The following DPYSL2 variants were observed in gnomAD, a reference collection of about 807,000 sequenced individuals.
The protein encoded by DPYSL2 is dihydropyrimidinase-related protein 2.
In DPYSL2, 13 loss-of-function variants were observed where a neutral mutation model predicts 69.9. The observed-to-expected ratio is 0.19, with a 90% CI of 0.12 to 0.30. DPYSL2 has a LOEUF of 0.30. Among genes scored for constraint, DPYSL2 ranks in the 10% least tolerant of loss-of-function variants. The pLI is 1.00. For synonymous variants in DPYSL2, 326 were observed against 359.1 expected, an observed-to-expected ratio of 0.91 and a Z score of 1.04; for missense variants, 587 against 918.9, an observed-to-expected ratio of 0.64 and a Z score of 4.67.
chr8:26,525,268 G>A (rs1808457449), intron 1 of DPYSL2, among the ~76,000 whole-genome samples: 1 of 152,182 alleles, frequency 6.6e-6, no homozygotes, highest in African/African-American at 2.4e-5. Context: ...CACCCAGGCT[G>A]GAGTGCGGTG....
At position 26,647,559 on chromosome 8, in the gene DPYSL2, T is replaced by G; in HGVS notation, c.1426-71T>G. ...AGCTGTCGTGTGTATCAATAGTTTG[T>G]TATTGAAAAGTAACTTTTTAACTCG... On this transcript the variant is annotated intron_variant, in intron 10 of 13. Transcript: ENST00000521913. This position sits in a 1 kb window ranked among gnomAD's most constrained non-coding sequence, Gnocchi z 5.1. The G allele has an allele frequency of 6.8e-7, 1 of 1,475,020 alleles. No individual in the cohort carries two copies. The highest frequency in any genetic ancestry group is 1.3e-5 in the South Asian group (1 of 75,532). The allele number at this position is 1,475,020 out of a possible 1,614,324, so 91.4% of individuals were successfully genotyped here.
At chr8:26,552,560 G>T (rs539670392) in intron 1 of DPYSL2, among the ~76,000 whole-genome samples, 4 of 152,176 alleles carry the variant, frequency 2.6e-5, no homozygotes, top group Non-Finnish European at 5.9e-5. Context: ...TTTCCTACAG[G>T]TCTGGAGGCT....
At position 26,516,777 on chromosome 8, in the gene DPYSL2, G is replaced by A. The variant is rs1417662882; in HGVS notation, c.354+2098G>A. On this transcript the variant is annotated intron_variant, in intron 1 of 13. Transcript: ENST00000521913. This position sits in a 1 kb window ranked among gnomAD's most constrained non-coding sequence, Gnocchi z 4.8. Reference sequence around the variant, plus strand: ...GCAGCACCTTCCCCTGAATTTTCATGTTTAATCTTGCCTTATCATATAAGG... The same window carrying A: ...GCAGCACCTTCCCCTGAATTTTCATATTTAATCTTGCCTTATCATATAAGG... 6.6e-6 allele frequency among the ~76,000 whole-genome samples: 1 copy of A among 152,090 alleles called. No homozygotes were observed. The highest frequency in any genetic ancestry group is 2.4e-5 in the African/African-American group (1 of 41,410).
chr8:26,636,638 T>A (rs1802922768), intron 8 of DPYSL2, among the ~76,000 whole-genome samples: 1 of 152,152 alleles, frequency 6.6e-6, no homozygotes, highest in Non-Finnish European at 1.5e-5. Flanking sequence ...TCAGGGTTCT[T>A]CTCAGGTGGA....
rs1801463306 is a variant in DPYSL2, at chr8:26,580,312, T to TC, written c.355-1657_355-1656insC. Reference sequence around the variant, plus strand: ...ATTTGAGTGACCTGGGCAAGTGGCCTAACCTCTCTGAGCCTCAGTTTCCTT... The same window carrying TC: ...ATTTGAGTGACCTGGGCAAGTGGCCTCAACCTCTCTGAGCCTCAGTTTCCTT... On this transcript the variant is annotated intron_variant, in intron 1 of 13. Transcript: ENST00000521913. The surrounding 1 kb of genome is among the most constrained non-coding windows in gnomAD (Gnocchi z 4.1). Among the ~76,000 whole-genome samples, 4 of 152,318 alleles carry TC rather than the reference T, an allele frequency of 2.6e-5. No individual in the cohort carries two copies. In the South Asian group the frequency reaches 8.3e-4, roughly 32 times the overall value.
intron 10 of DPYSL2, among the ~76,000 whole-genome samples, chr8:26,645,959 G>A (rs996564136): frequency 1.3e-5 from 2 of 152,026 alleles, no homozygotes; most frequent in East Asian, 1.9e-4. Context: ...TCCGCCTCCC[G>A]GGTTCACGCA....
Position 26,577,167 on chromosome 8 carries a change from G to A in DPYSL2, c.355-4802G>A, listed in dbSNP as rs535830242. On this transcript the variant is annotated intron_variant, in intron 1 of 13. Transcript: ENST00000521913. ...GGTTTCCTCAGGGCTCTCATTTCCT[G>A]CAGCCCGGCGCCTCCACGCGGGCCA... The A allele has an allele frequency of 7.3e-4, 326 of 446,412 alleles. 5 individuals are homozygous for A. The highest frequency in any genetic ancestry group is 5.0e-3 in the South Asian group (321 of 64,296). The allele number at this position is 446,412 out of a possible 1,614,324, so 27.7% of individuals were successfully genotyped here. A position where few individuals can be genotyped will look rare whatever the true frequency, so the allele number is the denominator to read the frequency against.
intron 3 of DPYSL2, among the ~76,000 whole-genome samples, chr8:26,590,826 C>T (rs1801710044): frequency 6.6e-6 from 1 of 152,250 alleles, no homozygotes; most frequent in Admixed American, 6.5e-5. Flanking sequence ...ACAGCTCTTC[C>T]CAAAGGTCCA....
intron 3 of DPYSL2, among the ~76,000 whole-genome samples, chr8:26,606,698 A>G (rs1802113964): frequency 6.6e-6 from 1 of 152,250 alleles, no homozygotes; most frequent in African/African-American, 2.4e-5. Flanking sequence ...GTTTTTATCT[A>G]CTAAACTTTC....
chr8:26,600,751 C>G (rs1010231914), intron 3 of DPYSL2, among the ~76,000 whole-genome samples: 3 of 152,282 alleles, frequency 2.0e-5, no homozygotes, highest in Non-Finnish European at 4.4e-5. Context: ...ACCCTTGAGC[C>G]CTCCCTCTAG....
chr8:26,535,841 G>A (rs1056320918), intron 1 of DPYSL2, among the ~76,000 whole-genome samples: 1 of 151,614 alleles, frequency 6.6e-6, no homozygotes, highest in Non-Finnish European at 1.5e-5. Context: ...TCCTTGTAAA[G>A]TATTGTTACA....
rs372761181 is a variant in DPYSL2, at chr8:26,655,724, G to A, written c.*18G>A. 3 of 1,577,194 alleles carry A rather than the reference G, an allele frequency of 1.9e-6. No individual in the cohort carries two copies. Among genetic ancestry groups the A allele is most frequent in the South Asian group, 1.1e-5 (1 of 88,534 alleles). ...TGGGCTAGAGCTCCTGGGCTGTGCC[G>A]TCCACTGGGGACTGGGGATGGGACA... On this transcript the variant is annotated 3_prime_UTR_variant, in exon 14 of 14. Coordinates refer to ENST00000521913, the MANE Select transcript of DPYSL2 (RefSeq NM_001197293.3).
rs1802562250 is a variant in DPYSL2, at chr8:26,624,122, C to T, written c.629-21C>T. On this transcript the variant is annotated intron_variant, in intron 3 of 13. Coordinates refer to ENST00000521913, the MANE Select transcript of DPYSL2 (RefSeq NM_001197293.3). The surrounding 1 kb of genome is among the most constrained non-coding windows in gnomAD (Gnocchi z 4.7). The stretch of plus-strand genomic sequence containing the variant: ...CCCTTGAGGCTCTTGGTGATGATGA[C>T]ATATGTCTGTTTCTTTCTAGTTGAC... The T allele has an allele frequency of 1.2e-6, 2 of 1,613,826 alleles. No homozygotes were observed. The highest frequency in any genetic ancestry group is 1.1e-5 in the South Asian group (1 of 91,028).
chr8:26,522,005 TG>T (rs1389125272), intron 1 of DPYSL2, among the ~76,000 whole-genome samples: 1 of 152,214 alleles, frequency 6.6e-6, no homozygotes, highest in Non-Finnish European at 1.5e-5. Context: ...TACAAGTTTT[TG>T]TTTAAACATA....
intron 1 of DPYSL2, chr8:26,548,233 G>C (rs1436313111): frequency 1.8e-5 from 4 of 219,944 alleles, no homozygotes; most frequent in Non-Finnish European, 9.3e-6. Context: ...GGAAATTCAT[G>C]TAATGGATTA....
rs537915113 is a variant in DPYSL2, at chr8:26,562,103, A to G, written c.355-19866A>G. On this transcript the variant is annotated intron_variant, in intron 1 of 13. Transcript: ENST00000521913. The surrounding 1 kb of genome is among the most constrained non-coding windows in gnomAD (Gnocchi z 4.9). ...GTTTTCTCCTACTTACTCCACATCC[A>G]ATCTATTAGTGACTTTTATTGGCAG... Among the ~76,000 whole-genome samples the G allele has an allele frequency of 6.6e-6, 1 of 152,286 alleles. No homozygotes were observed. The highest frequency in any genetic ancestry group is 1.9e-4 in the East Asian group (1 of 5,178).
At chr8:26,551,445 T>G (rs932952457) in intron 1 of DPYSL2, among the ~76,000 whole-genome samples, 13 of 152,174 alleles carry the variant, frequency 8.5e-5, no homozygotes, top group Non-Finnish European at 1.6e-4. Context: ...AGGCAAAAAC[T>G]GATAGAATTT....
intron 8 of DPYSL2, among the ~76,000 whole-genome samples, chr8:26,636,886 G>T (rs917019232): frequency 6.6e-6 from 1 of 151,764 alleles, no homozygotes; most frequent in Non-Finnish European, 1.5e-5. Context: ...GATTACAGGC[G>T]CCCCCCCATC....
intron 3 of DPYSL2, among the ~76,000 whole-genome samples, chr8:26,612,630 T>A (rs1477013284): frequency 6.6e-6 from 1 of 152,224 alleles, no homozygotes; most frequent in East Asian, 1.9e-4. Context: ...GGCGGGTGGA[T>A]CACTTGAGCT....
Sources: allele counts gnomAD v4.1 joint callset (sites outside exome capture counted in the v4.1 genomes callset), GRCh38; gene constraint gnomAD v4.1.1; non-coding constraint Gnocchi (gnomAD v3.1); transcripts MANE v1.5; gene names NCBI Gene and HGNC (gene_info 2026-07-23, HGNC 2026-07-21).